FIP1L1: variants seen among roughly 807,000 people sequenced by gnomAD.
FIP1L1 encodes factor interacting with PAPOLA and CPSF1, also known as pre-mRNA 3'-end-processing factor FIP1.
A neutral mutation model predicts 84.6 loss-of-function variants in FIP1L1; 21 were observed. The ratio of observed to expected loss-of-function variants is 0.25; its 90% confidence interval spans 0.18 to 0.36. The LOEUF (loss-of-function observed/expected upper bound fraction) is 0.36, where lower values mean the gene tolerates loss of function less well. Ranked by LOEUF, FIP1L1 falls within the 10% of genes least tolerant of loss-of-function variation. The probability of loss-of-function intolerance (pLI) is 1.00; values close to 1 mark genes in which losing one functional copy is unlikely to be tolerated. For missense variants in FIP1L1, 526 were observed against 751.1 expected (o/e 0.70, Z 3.50); for synonymous variants, 263 against 242.3 (o/e 1.09, Z -0.80).
At chr4:53,448,266 T>A (rs1472575533) in intron 15 of FIP1L1, among the ~76,000 whole-genome samples, 1 of 152,158 alleles carries the variant, frequency 6.6e-6, no homozygotes, top group African/African-American at 2.4e-5. Context: ...GATTGTCGTC[T>A]CTGTCATCTA....
intron 17 of FIP1L1, 69 bp from the exon 18 acceptor site, chr4:53,459,233 T>G (rs1470091912): frequency 2.3e-5 from 25 of 1,095,712 alleles, no homozygotes; most frequent in Middle Eastern, 4.2e-4. Flanking sequence ...TTCCTTAGAG[T>G]GATTGGATTT....
intron 13 of FIP1L1, among the ~76,000 whole-genome samples, chr4:53,438,251 TG>T (rs938713737): frequency 2.0e-5 from 3 of 152,158 alleles, no homozygotes; most frequent in African/African-American, 7.2e-5. Context: ...AGCATGTGTT[TG>T]CCAGGAAGAT....
At chr4:53,390,311 C>A (rs11731499) in intron 6 of FIP1L1, among the ~76,000 whole-genome samples, 105,544 of 152,036 alleles carry the variant, frequency 0.69, 36,698 homozygotes, top group Middle Eastern at 0.72. Flanking sequence ...GTTTTTCTGG[C>A]AAGAGTCCAG....
intron 4 of FIP1L1, among the ~76,000 whole-genome samples, chr4:53,383,057 A>G (rs1738947072): frequency 6.6e-6 from 1 of 150,952 alleles, no homozygotes; most frequent in African/African-American, 2.4e-5. Flanking sequence ...GGTACATTGT[A>G]TTTGTGACAC....
chr4:53,420,595 T>C (rs1368035233), intron 11 of FIP1L1, among the ~76,000 whole-genome samples: 1 of 152,150 alleles, frequency 6.6e-6, no homozygotes. Context: ...CTAGGTTCTT[T>C]TTCTGGGCGG....
At chr4:53,404,800 TA>T (rs1449351171) in intron 10 of FIP1L1, among the ~76,000 whole-genome samples, 1 of 152,156 alleles carries the variant, frequency 6.6e-6, no homozygotes, top group African/African-American at 2.4e-5. Flanking sequence ...TTTGGCTGCA[TA>T]AATGTCTTCT....
In FIP1L1 at chr4:53,459,685, G is replaced by T; in HGVS notation, c.*236G>T. On this transcript the variant is annotated 3_prime_UTR_variant, in exon 18 of 18. Transcript: ENST00000337488. ...ATGACTTTATATCCAAGAAAGGAATGTGAATGAGTCACTTAACAGGGAATC... is the reference window on the plus strand; with the variant it reads ...ATGACTTTATATCCAAGAAAGGAATTTGAATGAGTCACTTAACAGGGAATC... 1.9e-6 allele frequency: 1 copy of T among 538,712 alleles called. No individual in the cohort carries two copies. The highest frequency in any genetic ancestry group is 3.3e-6 in the Non-Finnish European group (1 of 303,558). 33.4% of individuals were successfully genotyped at this position (538,712 alleles called of 1,614,324 possible).
chr4:53,428,567 C>A (rs770484997), intron 13 of FIP1L1, among the ~76,000 whole-genome samples: 1 of 151,072 alleles, frequency 6.6e-6, no homozygotes, highest in African/African-American at 2.4e-5. Context: ...TTATATCTTG[C>A]GAAGAGATTG....
chr4:53,379,203 A>G (rs2149231306), intron 2 of FIP1L1, 22 bp from the exon 3 acceptor site: 3 of 1,605,786 alleles, frequency 1.9e-6, no homozygotes, highest in South Asian at 2.2e-5. Flanking sequence ...TTATTTATTT[A>G]TTTGTTTATT....
rs117909685 is a variant in FIP1L1, at chr4:53,400,548, G to A, written c.815+709G>A. Reference sequence around the variant, plus strand: ...AATAACCCAACTATTACTAGTTCTCGGCCAGATCACTTACCTTTTGTGTTA... The same window carrying A: ...AATAACCCAACTATTACTAGTTCTCAGCCAGATCACTTACCTTTTGTGTTA... On this transcript the variant is annotated intron_variant, in intron 10 of 17. Transcript: ENST00000337488. Among the ~76,000 whole-genome samples the A allele has an allele frequency of 5.8e-3, 882 of 152,138 alleles. 21 individuals carry two copies. The East Asian group carries it at 0.074, about 13-fold the overall frequency.
intron 10 of FIP1L1, among the ~76,000 whole-genome samples, chr4:53,406,523 C>T (rs1456874232): frequency 2.0e-5 from 3 of 152,110 alleles, no homozygotes; most frequent in Admixed American, 6.5e-5. Flanking sequence ...GCTGGCCTCA[C>T]AAAATGAGTT....
Position 53,416,334 on chromosome 4 carries a change from A to G in FIP1L1, c.923+1612A>G, listed in dbSNP as rs1213452646. Among the ~76,000 whole-genome samples the G allele has an allele frequency of 7.2e-5, 11 of 152,358 alleles. No individual in the cohort carries two copies. The East Asian group carries it at 9.6e-4, about 13-fold the overall frequency. On this transcript the variant is annotated intron_variant, in intron 11 of 17. Coordinates refer to ENST00000337488, the MANE Select transcript of FIP1L1 (RefSeq NM_030917.4). ...CTTAAACTTACAATTGTTTTGTTGC[A>G]TAAGTATTGGACTTGGATTTTAGGT...
intron 11 of FIP1L1, among the ~76,000 whole-genome samples, chr4:53,419,971 G>A (rs1410893441): frequency 6.6e-6 from 1 of 152,016 alleles, no homozygotes; most frequent in Admixed American, 6.5e-5. Context: ...CACTTTGGGA[G>A]GCCGAGGCGG....
At chr4:53,424,002 T>C (rs1160582661) in intron 11 of FIP1L1, among the ~76,000 whole-genome samples, 1 of 152,202 alleles carries the variant, frequency 6.6e-6, no homozygotes, top group Non-Finnish European at 1.5e-5. Flanking sequence ...TATCTAGATC[T>C]AATTTTTACC....
chr4:53,409,500 G>A (rs1755881906), intron 10 of FIP1L1, among the ~76,000 whole-genome samples: 1 of 152,202 alleles, frequency 6.6e-6, no homozygotes, highest in Non-Finnish European at 1.5e-5. Context: ...CCAGCTGCGT[G>A]CTGGGAGAAC....
At chr4:53,406,813 T>C (rs1180136879) in intron 10 of FIP1L1, among the ~76,000 whole-genome samples, 2 of 152,254 alleles carry the variant, frequency 1.3e-5, no homozygotes, top group African/African-American at 4.8e-5. Context: ...GTTTGTAGTA[T>C]TCTCTCATGG....
chr4:53,406,264 A>T (rs1419763651), intron 10 of FIP1L1, among the ~76,000 whole-genome samples: 1 of 152,204 alleles, frequency 6.6e-6, no homozygotes, highest in Non-Finnish European at 1.5e-5. Flanking sequence ...ATCTATTGAG[A>T]TAATCGTGGT....
At chr4:53,389,941 C>CTT in intron 6 of FIP1L1, 68 bp downstream of exon 6, 13 of 1,093,198 alleles carry the variant, frequency 1.2e-5, no homozygotes, top group Non-Finnish European at 1.7e-5. Context: ...GTCTTAATAG[C>CTT]TTTTTTTTTT....
chr4:53,427,993 T>C (rs775163924), intron 12 of FIP1L1, 34 bp from the exon 13 acceptor site: 1 of 1,460,304 alleles, frequency 6.8e-7, no homozygotes, highest in Non-Finnish European at 9.5e-7. Flanking sequence ...ATAATATTTA[T>C]GCATCTGTTT....
Sources: allele counts gnomAD v4.1 joint callset (sites outside exome capture counted in the v4.1 genomes callset), GRCh38; gene constraint gnomAD v4.1.1; transcripts MANE v1.5; gene names NCBI Gene and HGNC (gene_info 2026-07-23, HGNC 2026-07-21).